ESR2: variants seen among roughly 807,000 people sequenced by gnomAD.
ESR2 encodes the protein estrogen receptor beta.
A neutral mutation model predicts 49.6 loss-of-function variants in ESR2; 36 were observed. The observed-to-expected ratio is 0.73, with a 90% CI of 0.56 to 0.96. The LOEUF (loss-of-function observed/expected upper bound fraction) is 0.96. Ranked by LOEUF, ESR2 falls within the 40% of genes least tolerant of loss-of-function variation. The pLI is 0.00. For synonymous variants in ESR2, 320 were observed against 266.1 expected (o/e 1.20, Z -1.97); for missense variants, 714 against 693.0 (o/e 1.03, Z -0.34).
At position 64,294,263 on chromosome 14, in the gene ESR2, G is replaced by A. The variant is rs924037474; in HGVS notation, c.-321C>T. 2 of 152,360 alleles carry A rather than the reference G, an allele frequency of 1.3e-5. No individual in the cohort carries two copies. The highest frequency in any genetic ancestry group is 2.9e-5 in the Non-Finnish European group (2 of 68,116). The allele number at this position is 152,360 out of a possible 1,614,324, so 9.4% of individuals were successfully genotyped here. ...TCGCCGCCTGCTCTTCGCCCTGCAA[G>A]TTTCAAGAGGCAGTTATTTCTCGCA... On this transcript the variant is annotated 5_prime_UTR_variant, in exon 1 of 9. Coordinates refer to ENST00000341099, the MANE Select transcript of ESR2 (RefSeq NM_001437.3).
intron 6 of ESR2, among the ~76,000 whole-genome samples, chr14:64,254,313 C>A (rs2076052956): frequency 2.0e-5 from 3 of 152,064 alleles, no homozygotes; most frequent in African/African-American, 4.8e-5. Flanking sequence ...GAGCATGACT[C>A]CTGACTTTTT....
At chr14:64,313,721 C>CA (rs1304818151) in intron 1 of ESR2, among the ~76,000 whole-genome samples, 4 of 150,262 alleles carry the variant, frequency 2.7e-5, no homozygotes, top group East Asian at 3.9e-4. Context: ...ACCAAAAATA[C>CA]AAAAAAAATT....
At chr14:64,280,570 G>A (rs2076646931) in intron 2 of ESR2, among the ~76,000 whole-genome samples, 1 of 152,210 alleles carries the variant, frequency 6.6e-6, no homozygotes, top group South Asian at 2.1e-4. Context: ...AATGCTGCAT[G>A]GATGGGTGTG....
At chr14:64,332,028 T>C (rs1408952952) in intron 1 of ESR2, among the ~76,000 whole-genome samples, 1 of 152,158 alleles carries the variant, frequency 6.6e-6, no homozygotes, top group Non-Finnish European at 1.5e-5. Context: ...GCTTAGAAGA[T>C]GAAAAGGACA....
intron 4 of ESR2, among the ~76,000 whole-genome samples, chr14:64,264,400 A>G (rs2076281301): frequency 6.6e-6 from 1 of 152,230 alleles, no homozygotes; most frequent in South Asian, 2.1e-4. Context: ...TTTTATTAGT[A>G]ATCAAGCAGA....
In ESR2 at chr14:64,230,767, T is replaced by A. The variant is rs1152577; in HGVS notation, c.*2370A>T. ...GAAACTCACTGTGCGGCGCTCCTGA[T>A]ACTGCCCACTCGAGGCTCTAAAGGG... On this transcript the variant is annotated 3_prime_UTR_variant, in exon 9 of 9. Transcript: ENST00000341099. Among the ~76,000 whole-genome samples, 1 of 150,616 alleles carries A rather than the reference T, an allele frequency of 6.6e-6. No homozygotes were observed.
chr14:64,249,669 T>C lies in ESR2; in HGVS notation c.1102A>G (p.Lys368Glu), dbSNP rs144249047. Residue 368 changes from lysine to glutamate, a missense_variant, in exon 7 of 9, where the codon AAA (lysine) becomes GAA (glutamate). Transcript: ENST00000341099. ...ATTTCCAGAATTCCTTCTACGCATT[T>C]CCCCTCATCCCTACAAAAGTTCGTT... ...PDLVLDRDEG[K>E]CVEGILEIFD... is the part of the protein sequence containing the mutation. The C allele has an allele frequency of 7.7e-5, 124 of 1,610,770 alleles. No individual in the cohort carries two copies. The highest frequency in any genetic ancestry group is 1.6e-4 in the Middle Eastern group (1 of 6,068).
intron 4 of ESR2, among the ~76,000 whole-genome samples, chr14:64,263,225 G>C (rs1388015243): frequency 1.3e-5 from 2 of 151,940 alleles, no homozygotes; most frequent in Non-Finnish European, 2.9e-5. Context: ...TATTTAACAG[G>C]CAAAATTAAC....
At chr14:64,329,617 A>T (rs1321363223) in intron 1 of ESR2, 1 of 88,934 alleles carries the variant, frequency 1.1e-5, no homozygotes, top group East Asian at 3.5e-4. Flanking sequence ...TCTATCAAAA[A>T]AAAAGAAAGA....
intron 1 of ESR2, among the ~76,000 whole-genome samples, chr14:64,316,859 A>G (rs1053415795): frequency 6.6e-6 from 1 of 152,210 alleles, no homozygotes; most frequent in Non-Finnish European, 1.5e-5. Context: ...CCACATGAAT[A>G]TATACAAAAA....
At chr14:64,277,993 A>G (rs1217799951) in intron 3 of ESR2, among the ~76,000 whole-genome samples, 1 of 151,854 alleles carries the variant, frequency 6.6e-6, no homozygotes, top group African/African-American at 2.4e-5. Flanking sequence ...AAAAAGAAGG[A>G]TCTCTTTTTA....
intron 1 of ESR2, among the ~76,000 whole-genome samples, chr14:64,315,362 T>C (rs1319110216): frequency 6.6e-6 from 1 of 151,960 alleles, no homozygotes; most frequent in African/African-American, 2.4e-5. Context: ...GGAATTATTA[T>C]AAACAACTCT....
chr14:64,246,862 T>C (rs534530206), intron 7 of ESR2, among the ~76,000 whole-genome samples: 5 of 141,528 alleles, frequency 3.5e-5, no homozygotes, highest in East Asian at 4.6e-4. Flanking sequence ...ATGGTAACAA[T>C]AAACAGGGAA....
At chr14:64,292,136 T>C (rs1290735271) in intron 1 of ESR2, among the ~76,000 whole-genome samples, 1 of 152,190 alleles carries the variant, frequency 6.6e-6, no homozygotes, top group East Asian at 1.9e-4. Flanking sequence ...GCAAATAGCA[T>C]TGTCTTTGCC....
intron 3 of ESR2, among the ~76,000 whole-genome samples, chr14:64,278,027 G>C (rs1253736164): frequency 6.6e-6 from 1 of 151,960 alleles, no homozygotes; most frequent in African/African-American, 2.4e-5. Flanking sequence ...GTAGTAATAG[G>C]TCCAAACGTT....
intron 7 of ESR2, among the ~76,000 whole-genome samples, chr14:64,243,462 A>G (rs920623687): frequency 4.6e-5 from 7 of 152,256 alleles, no homozygotes; most frequent in African/African-American, 7.2e-5. Flanking sequence ...CATTGCCACA[A>G]ACCTTCGATT....
intron 1 of ESR2, among the ~76,000 whole-genome samples, chr14:64,331,575 C>T (rs896045571): frequency 1.3e-5 from 2 of 152,102 alleles, no homozygotes; most frequent in South Asian, 4.1e-4. Flanking sequence ...GCTGGTAATC[C>T]CAGCACTTTC....
intron 3 of ESR2, among the ~76,000 whole-genome samples, chr14:64,274,728 G>C (rs2076522598): frequency 6.6e-6 from 1 of 152,104 alleles, no homozygotes; most frequent in Middle Eastern, 3.4e-3. Context: ...CTACTTTTTA[G>C]ATGTAGGCAC....
upstream of ESR2, chr14:64,297,391 T>C (rs575529924): frequency 6.6e-6 from 1 of 152,224 alleles, no homozygotes; most frequent in South Asian, 2.1e-4. Flanking sequence ...CCATAAAAGG[T>C]GCACCTTCCT....
Sources: allele counts gnomAD v4.1 joint callset (sites outside exome capture counted in the v4.1 genomes callset), GRCh38; gene constraint gnomAD v4.1.1; transcripts MANE v1.5; gene names NCBI Gene and HGNC (gene_info 2026-07-23, HGNC 2026-07-21).